Variants in PRKAR1B observed in about 807,000 individuals in gnomAD.
PRKAR1B encodes the protein cAMP-dependent protein kinase type I-beta regulatory subunit.
In PRKAR1B, 22 loss-of-function variants were observed where a neutral mutation model predicts 46.5. That is an observed-to-expected ratio of 0.47 (90% CI 0.34 to 0.68). PRKAR1B has a LOEUF of 0.68. Among genes scored for constraint, PRKAR1B ranks in the 30% least tolerant of loss-of-function variants. The pLI, the probability that PRKAR1B is intolerant of heterozygous loss-of-function variation, is 0.01. For synonymous variants in PRKAR1B, 259 were observed against 217.7 expected (o/e 1.19, Z -1.67); for missense variants, 445 against 535.6 (o/e 0.83, Z 1.67).
chr7:560,310 T>C lies in PRKAR1B; in HGVS notation c.892-8840A>G, dbSNP rs1778703974. ...GATTAAACCTCTTTTCTTTATAAAT[T>C]ACCCAGTCTCGGGCATTTCTTCATA... On this transcript the variant is annotated intron_variant, in intron 9 of 10. Coordinates refer to ENST00000537384, the MANE Select transcript of PRKAR1B (RefSeq NM_001164760.2). The surrounding 1 kb of genome is among the most constrained non-coding windows in gnomAD (Gnocchi z 4.2). Among the ~76,000 whole-genome samples the C allele has an allele frequency of 6.6e-6, 1 of 151,788 alleles. No homozygotes were observed. Among genetic ancestry groups the C allele is most frequent in the South Asian group, 2.1e-4 (1 of 4,816 alleles).
At chr7:715,465 A>G (rs955836413) in intron 1 of PRKAR1B, among the ~76,000 whole-genome samples, 2 of 152,050 alleles carry the variant, frequency 1.3e-5, no homozygotes, top group Non-Finnish European at 2.9e-5. Flanking sequence ...CACTGTGCCC[A>G]AGCAGCTATG....
chr7:601,572 T>TCCCA (rs1368890400), intron 6 of PRKAR1B, among the ~76,000 whole-genome samples: 1 of 152,182 alleles, frequency 6.6e-6, no homozygotes, highest in Non-Finnish European at 1.5e-5. Flanking sequence ...GCGAAGGGCC[T>TCCCA]CCCACATCAC....
At chr7:629,435 C>T (rs1783606468) in intron 4 of PRKAR1B, among the ~76,000 whole-genome samples, 15 of 132,536 alleles carry the variant, frequency 1.1e-4, no homozygotes, top group South Asian at 1.1e-3. Context: ...GCTGCAGGAG[C>T]GGGGCCACGG....
intron 8 of PRKAR1B, among the ~76,000 whole-genome samples, chr7:581,086 G>A (rs1198662633): frequency 3.3e-5 from 5 of 152,216 alleles, no homozygotes; most frequent in East Asian, 3.9e-4. Context: ...GGCGGATCAC[G>A]AGGTCAGGAG....
intron 2 of PRKAR1B, among the ~76,000 whole-genome samples, chr7:707,687 G>C (rs1780402820): frequency 6.6e-6 from 1 of 152,114 alleles, no homozygotes; most frequent in African/African-American, 2.4e-5. Flanking sequence ...TATGAGAAGG[G>C]GAAATCTGGA....
chr7:640,005 A>G (rs916043230), intron 4 of PRKAR1B, among the ~76,000 whole-genome samples: 1 of 151,980 alleles, frequency 6.6e-6, no homozygotes, highest in Non-Finnish European at 1.5e-5. Context: ...TCTACTAAAA[A>G]TAAAAAAGTT....
chr7:667,840 G>A lies in PRKAR1B; in HGVS notation c.440+9389C>T, dbSNP rs1162302158. ...GTGCAAAGGCCCAGGGAAACCCTTCGATCAAGGCCAACTAGCAATACCACC... is the reference window on the plus strand; with the variant it reads ...GTGCAAAGGCCCAGGGAAACCCTTCAATCAAGGCCAACTAGCAATACCACC... On this transcript the variant is annotated intron_variant, in intron 4 of 10. Transcript: ENST00000537384. This position sits in a 1 kb window ranked among gnomAD's most constrained non-coding sequence, Gnocchi z 4.3. Among the ~76,000 whole-genome samples, 1 of 152,184 alleles carries A rather than the reference G, an allele frequency of 6.6e-6. No individual in the cohort carries two copies. The highest frequency in any genetic ancestry group is 1.5e-5 in the Non-Finnish European group (1 of 68,036).
intron 7 of PRKAR1B, among the ~76,000 whole-genome samples, chr7:588,459 ATGG>A (rs1405341901): frequency 3.0e-5 from 4 of 133,144 alleles, no homozygotes; most frequent in East Asian, 2.4e-4. Flanking sequence ...GGTGATGGTG[ATGG>A]TGGTGATGGT....
intron 7 of PRKAR1B, among the ~76,000 whole-genome samples, chr7:588,977 GATGACGAT>G (rs1780826499): frequency 1.6e-4 from 1 of 6,160 alleles, no homozygotes; most frequent in Non-Finnish European, 3.9e-4. Context: ...TGACAGTGGT[GATGACGAT>G]GTGATGGTGA....
intron 2 of PRKAR1B, chr7:691,950 T>C (rs1239226320): frequency 1.5e-6 from 1 of 650,506 alleles, no homozygotes; most frequent in Non-Finnish European, 1.9e-6. Context: ...GCTGAATCAC[T>C]GGGAGACGGA....
chr7:693,155 G>A (rs1328476599), intron 2 of PRKAR1B, among the ~76,000 whole-genome samples: 1 of 151,260 alleles, frequency 6.6e-6, no homozygotes. Context: ...AGCTGGTCTC[G>A]AACTCCTAAC....
chr7:577,022 C>A (rs1583232304), intron 9 of PRKAR1B, among the ~76,000 whole-genome samples: 5 of 138,980 alleles, frequency 3.6e-5, no homozygotes, highest in Admixed American at 3.5e-4. Flanking sequence ...GTCGCCTCAC[C>A]CAACGCCATC....
intron 10 of PRKAR1B, 58 bp downstream of exon 10, chr7:551,331 G>A (rs999049733): frequency 4.0e-5 from 61 of 1,508,748 alleles, no homozygotes; most frequent in East Asian, 2.7e-4. Flanking sequence ...GGCCCCTCCC[G>A]AGACCCCAAA....
At chr7:574,447 ATT>A (rs71546451) in intron 9 of PRKAR1B, among the ~76,000 whole-genome samples, 14 of 145,730 alleles carry the variant, frequency 9.6e-5, no homozygotes, top group Non-Finnish European at 9.1e-5. Flanking sequence ...ACAGATCCAG[ATT>A]TTTTTTTTTT....
chr7:663,665 C>G (rs943414556), intron 4 of PRKAR1B, among the ~76,000 whole-genome samples: 2 of 152,184 alleles, frequency 1.3e-5, no homozygotes, highest in African/African-American at 2.4e-5. Flanking sequence ...ATGTGGTGGT[C>G]TGGGCAGCAG....
At chr7:707,484 T>A (rs1780389158) in intron 2 of PRKAR1B, among the ~76,000 whole-genome samples, 1 of 152,182 alleles carries the variant, frequency 6.6e-6, no homozygotes, top group Non-Finnish European at 1.5e-5. Flanking sequence ...AAAATTGCCC[T>A]GCCCACGCCC....
At position 644,525 on chromosome 7, in the gene PRKAR1B, C is replaced by A. The variant is rs1267046092; in HGVS notation, c.440+32704G>T. Among the ~76,000 whole-genome samples the A allele has an allele frequency of 6.6e-6, 1 of 152,192 alleles. No homozygotes were observed. The highest frequency in any genetic ancestry group is 2.4e-5 in the African/African-American group (1 of 41,456). On this transcript the variant is annotated intron_variant, in intron 4 of 10. Transcript: ENST00000537384. The surrounding 1 kb of genome is among the most constrained non-coding windows in gnomAD (Gnocchi z 4.9). ...GGTCCAGCATCCCTCCGAGGGCCCA[C>A]CCTCCACTCCCCGCTGCCAGGGAGC...
At position 680,741 on chromosome 7, in the gene PRKAR1B, A is replaced by G; in HGVS notation, c.178-15T>C. On this transcript the variant is annotated splice_polypyrimidine_tract_variant and intron_variant, in intron 2 of 10. Coordinates refer to ENST00000537384, the MANE Select transcript of PRKAR1B (RefSeq NM_001164760.2). ...CTGTTTTCTTCCTGTGTGGGAGAGGAAAACACAGAAAGGAAGTAAGAACCT... is the reference window on the plus strand; with the variant it reads ...CTGTTTTCTTCCTGTGTGGGAGAGGGAAACACAGAAAGGAAGTAAGAACCT... The G allele has an allele frequency of 6.2e-7, 1 of 1,613,616 alleles. No individual in the cohort carries two copies. Among genetic ancestry groups the G allele is most frequent in the Non-Finnish European group, 8.5e-7 (1 of 1,179,914 alleles).
At chr7:660,818 C>A (rs1255678772) in intron 4 of PRKAR1B, among the ~76,000 whole-genome samples, 3 of 123,736 alleles carry the variant, frequency 2.4e-5, no homozygotes, top group Non-Finnish European at 5.1e-5. Flanking sequence ...CTCTCCCCCC[C>A]ATGGCACAGG....
Sources: allele counts gnomAD v4.1 joint callset (sites outside exome capture counted in the v4.1 genomes callset), GRCh38; gene constraint gnomAD v4.1.1; non-coding constraint Gnocchi (gnomAD v3.1); transcripts MANE v1.5; gene names NCBI Gene and HGNC (gene_info 2026-07-23, HGNC 2026-07-21).